The following VPS26C variants were observed in gnomAD, a reference collection of about 807,000 sequenced individuals.
VPS26C encodes VPS26 endosomal protein sorting factor C, also known as vacuolar protein sorting-associated protein 26C.
VPS26C carries 19 observed loss-of-function variants against 30.6 expected under a neutral mutation model. That is an observed-to-expected ratio of 0.62 (90% CI 0.43 to 0.91). VPS26C has a LOEUF of 0.91. Among genes scored for constraint, VPS26C ranks in the 40% least tolerant of loss-of-function variants. The pLI is 0.00. For missense variants in VPS26C, 318 were observed against 385.1 expected (o/e 0.83, Z 1.46); for synonymous variants, 132 against 151.5 (o/e 0.87, Z 0.95).
chr21:37,241,450 A>G (rs1248482805), intron 1 of VPS26C, among the ~76,000 whole-genome samples: 1 of 152,156 alleles, frequency 6.6e-6, no homozygotes, highest in East Asian at 1.9e-4. Context: ...CAGGGGCTCG[A>G]GTGGAAGAGG....
At position 37,257,158 on chromosome 21, in the gene VPS26C, C is replaced by CA. The variant is rs1344247532; in HGVS notation, c.57+10079dup. ...AAAAAACAAAACACAAAAAAACAAA[C>CA]AAAAAAAAGCAAATATATGTAAAAA... On this transcript the variant is annotated intron_variant, in intron 1 of 7. Coordinates refer to ENST00000309117, the MANE Select transcript of VPS26C (RefSeq NM_006052.2). This position sits in a 1 kb window ranked among gnomAD's most constrained non-coding sequence, Gnocchi z 4.2. Among the ~76,000 whole-genome samples, 17 of 151,672 alleles carry CA rather than the reference C, an allele frequency of 1.1e-4. No individual in the cohort carries two copies. The highest frequency in any genetic ancestry group is 1.7e-4 in the African/African-American group (7 of 41,282).
rs1043057943 is a variant in VPS26C, at chr21:37,257,689, C to T, written c.57+9549G>A. Among the ~76,000 whole-genome samples, 2 of 152,082 alleles carry T rather than the reference C, an allele frequency of 1.3e-5. No homozygotes were observed. The highest frequency in any genetic ancestry group is 2.4e-5 in the African/African-American group (1 of 41,406). On this transcript the variant is annotated intron_variant, in intron 1 of 7. Transcript: ENST00000309117. The surrounding 1 kb of genome is among the most constrained non-coding windows in gnomAD (Gnocchi z 4.2). ...TCCAGCTTTTCACAACCCTGCCTTG[C>T]TCATGGTCAGCCCCAAGCACGGGCG... is the stretch of plus-strand genomic sequence containing the variant.
At position 37,228,376 on chromosome 21, in the gene VPS26C, A is replaced by G. The variant is rs1026630085; in HGVS notation, c.508-3T>C. On this transcript the variant is annotated splice_polypyrimidine_tract_variant and splice_region_variant and intron_variant, in intron 5 of 7. Transcript: ENST00000309117. Reference sequence around the variant, plus strand: ...AGAAATTTGGGAAGCAAAGCTCTCTAAAACAAAATGAAAACAAATACATCA... The same window carrying G: ...AGAAATTTGGGAAGCAAAGCTCTCTGAAACAAAATGAAAACAAATACATCA... 6.2e-7 allele frequency: 1 copy of G among 1,613,804 alleles called. No homozygotes were observed. The highest frequency in any genetic ancestry group is 1.3e-5 in the African/African-American group (1 of 74,924).
chr21:37,233,475 T>C lies in VPS26C; in HGVS notation c.352-33A>G. The C allele has an allele frequency of 1.3e-6, 2 of 1,486,764 alleles. No individual in the cohort carries two copies. Among genetic ancestry groups the C allele is most frequent in the Non-Finnish European group, 1.9e-6 (2 of 1,064,568 alleles). The allele number at this position is 1,486,764 out of a possible 1,614,324, so 92.1% of individuals were successfully genotyped here. On this transcript the variant is annotated intron_variant, in intron 3 of 7. Coordinates refer to ENST00000309117, the MANE Select transcript of VPS26C (RefSeq NM_006052.2). This position sits in a 1 kb window ranked among gnomAD's most constrained non-coding sequence, Gnocchi z 5.2. ...GGAGAGTTGGAGGAAAAAAGTTCAT[T>C]TTAGTGGGATTTGCTTTCATCTTGG...
intron 1 of VPS26C, among the ~76,000 whole-genome samples, chr21:37,251,164 G>C (rs924906549): frequency 6.6e-6 from 1 of 152,136 alleles, no homozygotes; most frequent in Non-Finnish European, 1.5e-5. Context: ...TTGCAACCTC[G>C]TGCCGGCTAT....
rs1406630400 is a variant in VPS26C, at chr21:37,240,563, C to G, written c.134G>C (p.Gly45Ala). The G allele has an allele frequency of 6.2e-7, 1 of 1,614,204 alleles. No homozygotes were observed. The highest frequency in any genetic ancestry group is 8.5e-7 in the Non-Finnish European group (1 of 1,180,032). Residue 45 changes from glycine (G) to alanine (A), a missense_variant, in exon 2 of 8, where the codon GGA (glycine) becomes GCA (alanine). Physicochemically the swap from Gly to Ala is moderately conservative, Grantham distance 60 (BLOSUM62 0). Transcript: ENST00000309117. ...GGCACTGAGCTGGAGGTTTACAGTT[C>G]CTTCCATGGTCAAAGACACTCCCTG... ...QHQGVSLTME[G>A]TVNLQLSAKS...
At chr21:37,261,015 C>G (rs1478556469) in intron 1 of VPS26C, 2 of 152,154 alleles carry the variant, frequency 1.3e-5, no homozygotes, top group Non-Finnish European at 2.9e-5. Context: ...GGCTTCAACT[C>G]ATCATTTAAT....
intron 5 of VPS26C, among the ~76,000 whole-genome samples, chr21:37,230,067 A>T (rs141718498): frequency 6.6e-6 from 1 of 152,104 alleles, no homozygotes; most frequent in Non-Finnish European, 1.5e-5. Context: ...GACAGGTTCT[A>T]TGTTGCCCAC....
intron 1 of VPS26C, among the ~76,000 whole-genome samples, chr21:37,266,246 G>A (rs2086360185): frequency 1.3e-5 from 2 of 152,232 alleles, no homozygotes; most frequent in Admixed American, 1.3e-4. Flanking sequence ...TAACCATCAA[G>A]GGGATGACCA....
At chr21:37,236,992 G>A (rs1370542721) in intron 3 of VPS26C, among the ~76,000 whole-genome samples, 1 of 152,124 alleles carries the variant, frequency 6.6e-6, no homozygotes, top group Non-Finnish European at 1.5e-5. Context: ...TGTTGCCCAG[G>A]CTGGTCTTGA....
intron 1 of VPS26C, 157 bp downstream of exon 1, chr21:37,267,081 C>A (rs1253796216): frequency 1.4e-6 from 1 of 722,786 alleles, no homozygotes; most frequent in Non-Finnish European, 2.5e-6. Flanking sequence ...CTGGCGGGGA[C>A]GCACCTGGCG....
At chr21:37,260,435 CTT>C (rs2086292380) in intron 1 of VPS26C, among the ~76,000 whole-genome samples, 1 of 152,138 alleles carries the variant, frequency 6.6e-6, no homozygotes, top group Non-Finnish European at 1.5e-5. Context: ...AATCCCAACA[CTT>C]TTGTCAGGCC....
chr21:37,263,200 T>C (rs1352871668), intron 1 of VPS26C, among the ~76,000 whole-genome samples: 1 of 152,198 alleles, frequency 6.6e-6, no homozygotes, highest in South Asian at 2.1e-4. Context: ...TTCTCTGGTG[T>C]CCACAGAATC....
intron 3 of VPS26C, among the ~76,000 whole-genome samples, chr21:37,235,833 ATGTGTG>A (rs2086014609): frequency 7.9e-6 from 1 of 127,108 alleles, no homozygotes. Context: ...ATACATATAT[ATGTGTG>A]TATATGTGTG....
intron 1 of VPS26C, among the ~76,000 whole-genome samples, chr21:37,242,357 G>A (rs1177344957): frequency 3.9e-5 from 6 of 152,176 alleles, no homozygotes; most frequent in African/African-American, 1.4e-4. Flanking sequence ...AGCACTTTGG[G>A]AGGCTAAGGC....
chr21:37,251,348 G>C (rs920062496), intron 1 of VPS26C, among the ~76,000 whole-genome samples: 2 of 152,100 alleles, frequency 1.3e-5, no homozygotes, highest in Non-Finnish European at 2.9e-5. Context: ...CAACAATGTG[G>C]AGATCATTTA....
In VPS26C at chr21:37,255,851, A is replaced by ATTTTTTTTTTT. The variant is rs375877407; in HGVS notation, c.57+11376_57+11386dup. Among the ~76,000 whole-genome samples, 468 of 108,412 alleles carry ATTTTTTTTTTT rather than the reference A, an allele frequency of 4.3e-3. 56 individuals carry two copies. The highest frequency in any genetic ancestry group is 7.1e-3 in the African/African-American group (155 of 21,878). The allele number at this position is 108,412 out of a possible 152,430, so 71.1% of individuals were successfully genotyped here. Reference sequence around the variant, plus strand: ...TTTAAAGCCTCATTCTATGCACTGCATTTTTTTTTTTTTTTTTTTTTAGAT... The same window carrying ATTTTTTTTTTT: ...TTTAAAGCCTCATTCTATGCACTGCATTTTTTTTTTTTTTTTTTTTTTTTTTTTTTTTAGAT... On this transcript the variant is annotated intron_variant, in intron 1 of 7. Coordinates refer to ENST00000309117, the MANE Select transcript of VPS26C (RefSeq NM_006052.2).
upstream of VPS26C, chr21:37,267,502 T>C (rs1459184318): frequency 6.8e-6 from 4 of 590,992 alleles, no homozygotes; most frequent in Non-Finnish European, 9.0e-6. Flanking sequence ...CCGGCCTTAG[T>C]GCGGGCCGAA....
At chr21:37,242,760 C>G (rs969266891) in intron 1 of VPS26C, among the ~76,000 whole-genome samples, 1 of 152,154 alleles carries the variant, frequency 6.6e-6, no homozygotes, top group Admixed American at 6.5e-5. Flanking sequence ...GTCAGTCTCA[C>G]GGGAACAGGT....
Sources: allele counts gnomAD v4.1 joint callset (sites outside exome capture counted in the v4.1 genomes callset), GRCh38; gene constraint gnomAD v4.1.1; non-coding constraint Gnocchi (gnomAD v3.1); transcripts MANE v1.5; gene names NCBI Gene and HGNC (gene_info 2026-07-23, HGNC 2026-07-21).